The following PPP4R3B variants were observed in gnomAD, a reference collection of about 807,000 sequenced individuals.
PPP4R3B encodes the protein protein phosphatase 4 regulatory subunit 3B.
PPP4R3B carries 52 observed loss-of-function variants against 95.4 expected under a neutral mutation model. The ratio of observed to expected loss-of-function variants is 0.54; its 90% confidence interval spans 0.44 to 0.69. The LOEUF (loss-of-function observed/expected upper bound fraction) is 0.69, where lower values mean the gene tolerates loss of function less well. Ranked by LOEUF, PPP4R3B falls within the 30% of genes least tolerant of loss-of-function variation. The pLI is 0.00. For synonymous variants in PPP4R3B, 407 were observed against 343.9 expected (o/e 1.18, Z -2.03); for missense variants, 1,003 against 1,005.9 (o/e 1.00, Z 0.04).
intron 15 of PPP4R3B, among the ~76,000 whole-genome samples, chr2:55,560,021 C>T (rs1293088202): frequency 6.6e-6 from 1 of 152,036 alleles, no homozygotes; most frequent in East Asian, 1.9e-4. Flanking sequence ...GCTCTGGTGG[C>T]TGAGGCAGGA....
chr2:55,583,031 A>G (rs1689640594), intron 7 of PPP4R3B, among the ~76,000 whole-genome samples: 1 of 152,110 alleles, frequency 6.6e-6, no homozygotes, highest in Non-Finnish European at 1.5e-5. Flanking sequence ...ATCTTAATAC[A>G]TATTTAAATA....
At chr2:55,577,239 A>G in intron 11 of PPP4R3B, 76 bp downstream of exon 11, 2 of 1,463,862 alleles carry the variant, frequency 1.4e-6, no homozygotes, top group Non-Finnish European at 9.0e-7. Flanking sequence ...TCTTAGCCTT[A>G]TATAAGTGCA....
Position 55,550,026 on chromosome 2 carries a change from T to C in PPP4R3B, c.2455-20A>G, listed in dbSNP as rs1017117701. ...ACTTCCCTATTGAAGAATTTAAAAA[T>C]TTTTTCTTTAAACATATATAACAAA... On this transcript the variant is annotated intron_variant, in intron 16 of 16. Transcript: ENST00000616407. 1 of 1,566,940 alleles carries C rather than the reference T, an allele frequency of 6.4e-7. No homozygotes were observed. Among genetic ancestry groups the C allele is most frequent in the East Asian group, 2.3e-5 (1 of 44,298 alleles).
chr2:55,607,644 T>C (rs1429024423), intron 2 of PPP4R3B, among the ~76,000 whole-genome samples: 3 of 152,168 alleles, frequency 2.0e-5, no homozygotes, highest in Non-Finnish European at 4.4e-5. Context: ...AACCCAGTCC[T>C]AATGGGCTTT....
chr2:55,603,918 G>A, intron 3 of PPP4R3B, 60 bp downstream of exon 3: 1 of 1,247,788 alleles, frequency 8.0e-7, no homozygotes, highest in Admixed American at 2.2e-5. Context: ...AAGTAAAAAG[G>A]AAACAAAAAT....
At chr2:55,594,200 T>C (rs1052687329) in intron 4 of PPP4R3B, among the ~76,000 whole-genome samples, 12 of 151,792 alleles carry the variant, frequency 7.9e-5, no homozygotes, top group African/African-American at 2.9e-4. Flanking sequence ...CTGGGCACTG[T>C]GTTCAATATC....
intron 15 of PPP4R3B, among the ~76,000 whole-genome samples, chr2:55,559,368 A>C (rs1300658579): frequency 1.3e-5 from 2 of 152,128 alleles, no homozygotes; most frequent in African/African-American, 4.8e-5. Flanking sequence ...AAAAAACAAA[A>C]AAAAATAACA....
At chr2:55,566,523 T>G (rs541851352) in intron 13 of PPP4R3B, among the ~76,000 whole-genome samples, 7 of 152,230 alleles carry the variant, frequency 4.6e-5, no homozygotes, top group Non-Finnish European at 8.8e-5. Flanking sequence ...CCATGTTCCT[T>G]CTTTTACCAG....
chr2:55,613,354 CAA>C (rs552114971), intron 2 of PPP4R3B, among the ~76,000 whole-genome samples: 1 of 134,618 alleles, frequency 7.4e-6, no homozygotes, highest in Admixed American at 7.7e-5. Flanking sequence ...GTTATGTTGC[CAA>C]AAAAAAAAAG....
chr2:55,586,263 G>T (rs895001362), intron 6 of PPP4R3B, among the ~76,000 whole-genome samples: 1 of 152,036 alleles, frequency 6.6e-6, no homozygotes, highest in Non-Finnish European at 1.5e-5. Context: ...AAAACTCTAA[G>T]AACCATGCCC....
chr2:55,587,865 T>A (rs1258225726), intron 5 of PPP4R3B, among the ~76,000 whole-genome samples: 1 of 152,222 alleles, frequency 6.6e-6, no homozygotes, highest in Non-Finnish European at 1.5e-5. Flanking sequence ...AATAAGTAAC[T>A]ACACCAAAGA....
rs1208382697 is a variant in PPP4R3B at position 55,617,322 on chromosome 2, C to G, written c.-37G>C. On this transcript the variant is annotated 5_prime_UTR_variant, in exon 1 of 17. Transcript: ENST00000616407. Reference sequence around the variant, plus strand: ...TCTCCACCGCTCTAGCCGCCGCCTCCTCGCTTACCTCGTCCGCGCTCCTCA... The same window carrying G: ...TCTCCACCGCTCTAGCCGCCGCCTCGTCGCTTACCTCGTCCGCGCTCCTCA... The G allele has an allele frequency of 1.3e-6, 2 of 1,541,492 alleles. No individual in the cohort carries two copies. Among genetic ancestry groups the G allele is most frequent in the Non-Finnish European group, 1.8e-6 (2 of 1,138,828 alleles).
chr2:55,549,156 C>T lies in PPP4R3B; in HGVS notation c.*755G>A, dbSNP rs1005550522. ...GGCGGTTGACAACATTCTGTTCGAT[C>T]TACTTTCAAATTTCTAGAGAAAATC... On this transcript the variant is annotated 3_prime_UTR_variant, in exon 17 of 17. Transcript: ENST00000616407. The T allele has an allele frequency of 1.3e-5, 2 of 152,254 alleles. No individual in the cohort carries two copies. The highest frequency in any genetic ancestry group is 2.9e-5 in the Non-Finnish European group (2 of 68,038). 9.4% of individuals were successfully genotyped at this position (152,254 alleles called of 1,614,324 possible).
chr2:55,583,324 T>G (rs1431291541), intron 7 of PPP4R3B, among the ~76,000 whole-genome samples: 1 of 151,874 alleles, frequency 6.6e-6, no homozygotes, highest in Non-Finnish European at 1.5e-5. Context: ...AATTGTTAGC[T>G]CTCAGAAAAT....
chr2:55,593,021 T>C (rs1691255362), intron 4 of PPP4R3B, among the ~76,000 whole-genome samples: 1 of 152,032 alleles, frequency 6.6e-6, no homozygotes, highest in Non-Finnish European at 1.5e-5. Flanking sequence ...TAGCCAGGCA[T>C]GGTGGCTGCT....
At chr2:55,552,608 G>A (rs560698567) in intron 16 of PPP4R3B, among the ~76,000 whole-genome samples, 131 of 152,238 alleles carry the variant, frequency 8.6e-4, no homozygotes, top group African/African-American at 2.6e-3. Flanking sequence ...TGGCCAGGCT[G>A]GCCTTGAACT....
intron 5 of PPP4R3B, among the ~76,000 whole-genome samples, chr2:55,587,703 T>C (rs1277627300): frequency 2.0e-5 from 3 of 152,360 alleles, no homozygotes; most frequent in East Asian, 3.9e-4. Context: ...TATGAACACA[T>C]AGTTTCACAG....
At chr2:55,583,365 A>G (rs1204860457) in intron 7 of PPP4R3B, among the ~76,000 whole-genome samples, 3 of 152,194 alleles carry the variant, frequency 2.0e-5, no homozygotes, top group East Asian at 1.9e-4. Context: ...GAAGGTTGTT[A>G]TAAGAAAAAA....
At chr2:55,557,381 T>TG (rs1184340453) in intron 16 of PPP4R3B, among the ~76,000 whole-genome samples, 2 of 152,122 alleles carry the variant, frequency 1.3e-5, no homozygotes, top group East Asian at 1.9e-4. Flanking sequence ...TTTGTAGAGA[T>TG]GGGGTCTCAC....
Sources: allele counts gnomAD v4.1 joint callset (sites outside exome capture counted in the v4.1 genomes callset), GRCh38; gene constraint gnomAD v4.1.1; transcripts MANE v1.5; gene names NCBI Gene and HGNC (gene_info 2026-07-23, HGNC 2026-07-21).